The following GPR158 variants were observed in gnomAD, a reference collection of about 807,000 sequenced individuals.
GPR158 encodes the protein G protein-coupled receptor 158, also known as metabotropic glycine receptor.
A neutral mutation model predicts 78.2 loss-of-function variants in GPR158; 30 were observed. The observed-to-expected ratio is 0.38, with a 90% CI of 0.29 to 0.52. The LOEUF (loss-of-function observed/expected upper bound fraction) is 0.52. Among genes scored for constraint, GPR158 ranks in the 20% least tolerant of loss-of-function variants. GPR158 has a pLI of 0.83. For synonymous variants in GPR158, 581 were observed against 591.1 expected (o/e 0.98, Z 0.25); for missense variants, 1,463 against 1,523.5 (o/e 0.96, Z 0.66).
chr10:25,343,604 G>T (rs1222552892), intron 2 of GPR158, among the ~76,000 whole-genome samples: 1 of 151,848 alleles, frequency 6.6e-6, no homozygotes, highest in African/African-American at 2.4e-5. Flanking sequence ...AAACTTTAGG[G>T]CACATAAAGA....
chr10:25,590,879 T>A (rs1324880363), intron 8 of GPR158, among the ~76,000 whole-genome samples: 2 of 152,196 alleles, frequency 1.3e-5, no homozygotes, highest in Non-Finnish European at 2.9e-5. Flanking sequence ...AATATCTAAA[T>A]ATCCTTTAAT....
intron 5 of GPR158, among the ~76,000 whole-genome samples, chr10:25,532,755 A>G (rs1836443187): frequency 6.6e-6 from 1 of 151,822 alleles, no homozygotes; most frequent in African/African-American, 2.4e-5. Context: ...AAAAAAAAAT[A>G]CCAAAGCATA....
In GPR158 at chr10:25,176,613, G is replaced by A. The variant is rs1852538106; in HGVS notation, c.902+291G>A. On this transcript the variant is annotated intron_variant, in intron 1 of 10. Transcript: ENST00000376351. This position sits in a 1 kb window ranked among gnomAD's most constrained non-coding sequence, Gnocchi z 6.3. ...CCCTTGGCAGGACGGAGACACCCCCGCTGCTCTGTGCTTCCCTCCAATTGT... is the reference window on the plus strand; with the variant it reads ...CCCTTGGCAGGACGGAGACACCCCCACTGCTCTGTGCTTCCCTCCAATTGT... 6.6e-6 allele frequency among the ~76,000 whole-genome samples: 1 copy of A among 152,228 alleles called. No individual in the cohort carries two copies.
At chr10:25,454,932 G>GTCAC (rs1835270731) in intron 4 of GPR158, among the ~76,000 whole-genome samples, 1 of 152,056 alleles carries the variant, frequency 6.6e-6, no homozygotes, top group South Asian at 2.1e-4. Context: ...TAGTCAGTCA[G>GTCAC]TCACTCATTC....
At chr10:25,397,506 G>C (rs1437778056) in intron 3 of GPR158, among the ~76,000 whole-genome samples, 2 of 152,094 alleles carry the variant, frequency 1.3e-5, no homozygotes, top group Non-Finnish European at 2.9e-5. Context: ...TAGTTCAAAG[G>C]GTTCATTGAG....
At chr10:25,515,275 G>A (rs1836147820) in intron 5 of GPR158, among the ~76,000 whole-genome samples, 1 of 151,854 alleles carries the variant, frequency 6.6e-6, no homozygotes, top group African/African-American at 2.4e-5. Context: ...CTACTTGTTT[G>A]ATTCTATAGC....
intron 2 of GPR158, among the ~76,000 whole-genome samples, chr10:25,332,881 G>A (rs559093339): frequency 1.3e-5 from 2 of 152,106 alleles, no homozygotes; most frequent in Non-Finnish European, 2.9e-5. Context: ...ATACTTTAGG[G>A]TTCTGGGTTT....
rs1246577097 is a variant in GPR158, at chr10:25,243,064, A to G, written c.1008+21907A>G. ...GCACCAGACAATGGTTGCTGCTGCT[A>G]CTACATCAAGTGCAATCTTGCCACC... On this transcript the variant is annotated intron_variant, in intron 2 of 10. Transcript: ENST00000376351. Among the ~76,000 whole-genome samples, 10 of 152,240 alleles carry G rather than the reference A, an allele frequency of 6.6e-5. 1 individual carries two copies. The highest frequency in any genetic ancestry group is 2.2e-4 in the African/African-American group (9 of 41,464).
At chr10:25,280,895 G>C (rs1047713705) in intron 2 of GPR158, among the ~76,000 whole-genome samples, 1 of 152,076 alleles carries the variant, frequency 6.6e-6, no homozygotes, top group African/African-American at 2.4e-5. Flanking sequence ...CAGCACTTTG[G>C]GAGGCTGAAG....
At chr10:25,474,224 T>G (rs1314747728) in intron 5 of GPR158, among the ~76,000 whole-genome samples, 2 of 152,136 alleles carry the variant, frequency 1.3e-5, no homozygotes, top group African/African-American at 2.4e-5. Flanking sequence ...CTGCAACACC[T>G]TGATTTTAGT....
At chr10:25,192,370 G>C (rs1852783985) in intron 1 of GPR158, among the ~76,000 whole-genome samples, 1 of 152,190 alleles carries the variant, frequency 6.6e-6, no homozygotes, top group Non-Finnish European at 1.5e-5. Context: ...GTCTCGGGCA[G>C]TTCTTTGTAG....
At chr10:25,551,213 A>G in intron 6 of GPR158, 128 bp downstream of exon 6, 2 of 626,198 alleles carry the variant, frequency 3.2e-6, no homozygotes, top group East Asian at 2.7e-5. Context: ...GATACTATAT[A>G]TTTTTCACTT....
intron 4 of GPR158, among the ~76,000 whole-genome samples, chr10:25,445,969 G>C (rs1038860195): frequency 1.3e-5 from 2 of 152,148 alleles, no homozygotes; most frequent in Admixed American, 6.6e-5. Context: ...ACTCAGAAGA[G>C]AGATCAGAAC....
chr10:25,475,786 G>A (rs964976704), intron 5 of GPR158: 1 of 152,034 alleles, frequency 6.6e-6, no homozygotes, highest in African/African-American at 2.4e-5. Flanking sequence ...CTACTGGGAG[G>A]TTACAATTTT....
In GPR158 at chr10:25,241,429, T is replaced by G. The variant is rs568157757; in HGVS notation, c.1008+20272T>G. ...CTCTTCTCTTTTCTTTTCTTTTCTT[T>G]TCTTTTCTTTCGACAGAGTCTTGCT... On this transcript the variant is annotated intron_variant, in intron 2 of 10. Transcript: ENST00000376351. Among the ~76,000 whole-genome samples, 4 of 133,600 alleles carry G rather than the reference T, an allele frequency of 3.0e-5. No individual in the cohort carries two copies. The East Asian group carries it at 8.7e-4, about 29-fold the overall frequency. 87.6% of individuals were successfully genotyped at this position (133,600 alleles called of 152,430 possible).
intron 5 of GPR158, among the ~76,000 whole-genome samples, chr10:25,537,922 G>C (rs887276052): frequency 2.0e-5 from 3 of 152,100 alleles, no homozygotes; most frequent in African/African-American, 7.2e-5. Context: ...GCTTCCTGTA[G>C]AGCCTGCGGA....
At chr10:25,321,933 G>A (rs958844555) in intron 2 of GPR158, among the ~76,000 whole-genome samples, 17 of 152,116 alleles carry the variant, frequency 1.1e-4, no homozygotes, top group Non-Finnish European at 2.2e-4. Context: ...ATGGAAAAGA[G>A]AGTGAAAATG....
intron 5 of GPR158, among the ~76,000 whole-genome samples, chr10:25,493,356 T>C (rs1434574403): frequency 2.0e-5 from 3 of 152,208 alleles, no homozygotes; most frequent in African/African-American, 7.2e-5. Flanking sequence ...CAAGTTTATC[T>C]CTGCACCACT....
At chr10:25,569,115 G>T (rs572193265) in intron 6 of GPR158, among the ~76,000 whole-genome samples, 2 of 152,176 alleles carry the variant, frequency 1.3e-5, no homozygotes, top group South Asian at 4.2e-4. Context: ...TCTATTATTT[G>T]AAAGCCAGTA....
Sources: gnomAD v4.1 joint callset for allele counts (sites outside exome capture counted in the v4.1 genomes callset) on GRCh38, gnomAD v4.1.1 for gene constraint, Gnocchi (gnomAD v3.1) non-coding constraint, MANE v1.5 for transcripts, NCBI Gene and HGNC (gene_info 2026-07-23, HGNC 2026-07-21) for gene names.